The following ITGA4 variants were observed in gnomAD, a reference collection of about 807,000 sequenced individuals.
ITGA4 encodes the protein integrin alpha-4.
A neutral mutation model predicts 133.6 loss-of-function variants in ITGA4; 63 were observed. That is an observed-to-expected ratio of 0.47 (90% CI 0.38 to 0.58). The LOEUF (loss-of-function observed/expected upper bound fraction) is 0.58, where lower values mean the gene tolerates loss of function less well. Among genes scored for constraint, ITGA4 ranks in the 20% least tolerant of loss-of-function variants. The pLI is 0.00. For missense variants in ITGA4, 1,076 were observed against 1,252.7 expected (o/e 0.86, Z 2.13); for synonymous variants, 483 against 438.0 (o/e 1.10, Z -1.28).
At chr2:181,513,229 T>C (rs1457169337) in intron 17 of ITGA4, among the ~76,000 whole-genome samples, 2 of 152,042 alleles carry the variant, frequency 1.3e-5, no homozygotes, top group African/African-American at 4.8e-5. Flanking sequence ...CAATTTCAAC[T>C]GGCATGCCTA....
chr2:181,530,459 G>A, intron 23 of ITGA4, 65 bp from the exon 24 acceptor site: 3 of 1,468,040 alleles, frequency 2.0e-6, no homozygotes, highest in Non-Finnish European at 1.9e-6. Context: ...TTTAAAACCA[G>A]GTTGCTTTTT....
Position 181,457,490 on chromosome 2 carries a change from G to A in ITGA4, c.-165G>A, listed in dbSNP as rs1685149326. The A allele has an allele frequency of 1.6e-6, 1 of 641,860 alleles. No individual in the cohort carries two copies. Among genetic ancestry groups the A allele is most frequent in the Non-Finnish European group, 2.6e-6 (1 of 391,378 alleles). 39.8% of individuals were successfully genotyped at this position (641,860 alleles called of 1,614,324 possible). On this transcript the variant is annotated 5_prime_UTR_variant, in exon 1 of 28. Coordinates refer to ENST00000397033, the MANE Select transcript of ITGA4 (RefSeq NM_000885.6). ...CCGGCCCGAACGCTCCGCCCGCGGT[G>A]GGCCGACTTCCCCTCCTCTTCCCTC... is the stretch of plus-strand genomic sequence containing the variant.
chr2:181,496,952 G>A (rs947922742), intron 14 of ITGA4, among the ~76,000 whole-genome samples: 11 of 152,216 alleles, frequency 7.2e-5, no homozygotes, highest in African/African-American at 2.4e-4. Context: ...GGTACACAAT[G>A]AGCCTGTACC....
At chr2:181,491,723 C>CT (rs1686051614) in intron 10 of ITGA4, among the ~76,000 whole-genome samples, 2 of 152,078 alleles carry the variant, frequency 1.3e-5, no homozygotes, top group South Asian at 4.1e-4. Context: ...CTATAAAATA[C>CT]TTTTCCCCAC....
rs957907060 is a variant in ITGA4, at chr2:181,536,540, ACC to A, written c.*1015_*1016del. ...ATTTCCTTGGATGTAATTCTTTGTT[ACC>A]CTTTACAAGTATAAGTGTTACCTTA... is the stretch of plus-strand genomic sequence containing the variant. On this transcript the variant is annotated 3_prime_UTR_variant, in exon 28 of 28. Transcript: ENST00000397033. The A allele has an allele frequency of 1.9e-5, 3 of 161,650 alleles. No individual in the cohort carries two copies. Among genetic ancestry groups the A allele is most frequent in the African/African-American group, 7.2e-5 (3 of 41,426 alleles). 10.0% of individuals were successfully genotyped at this position (161,650 alleles called of 1,614,324 possible).
Position 181,509,807 on chromosome 2 carries a change from A to G in ITGA4, c.1845A>G (p.Thr615=), listed in dbSNP as rs1143674. 0.59 allele frequency: 938,805 copies of G among 1,595,064 alleles called. 281,152 individuals are homozygous for G. Among genetic ancestry groups the G allele is most frequent in the South Asian group, 0.84 (74,245 of 88,318 alleles). The change falls in exon 16 of 28, where the codon ACA becomes ACG. Residue 615 remains threonine, a splice_region_variant and synonymous_variant. Coordinates refer to ENST00000397033, the MANE Select transcript of ITGA4 (RefSeq NM_000885.6). ...QKKEKDIMKK[T]INFARFCAHE... ...AAGAAAAAGACATAATGAAAAAAACAGTAGGAATATTTTCCTTTATTCAAA... is the reference window on the plus strand; with the variant it reads ...AAGAAAAAGACATAATGAAAAAAACGGTAGGAATATTTTCCTTTATTCAAA...
At chr2:181,490,237 C>CT (rs1686018935) in intron 10 of ITGA4, among the ~76,000 whole-genome samples, 1 of 152,210 alleles carries the variant, frequency 6.6e-6, no homozygotes, top group Non-Finnish European at 1.5e-5. Flanking sequence ...TTAGTTTTTA[C>CT]TTTTTCTTTC....
Position 181,536,053 on chromosome 2 carries a change from T to C in ITGA4, c.*526T>C, listed in dbSNP as rs1687071504. 1 of 152,136 alleles carries C rather than the reference T, an allele frequency of 6.6e-6. No individual in the cohort carries two copies. The highest frequency in any genetic ancestry group is 2.1e-4 in the South Asian group (1 of 4,836). The allele number at this position is 152,136 out of a possible 1,614,324, so 9.4% of individuals were successfully genotyped here. A position where few individuals can be genotyped will look rare whatever the true frequency, so the allele number is the denominator to read the frequency against. ...TCACTTTAAAGCCCTTTATTTATAA[T>C]ACATTTCCTACGGGCTGTGTTCCAA... is the stretch of plus-strand genomic sequence containing the variant. On this transcript the variant is annotated 3_prime_UTR_variant, in exon 28 of 28. Transcript: ENST00000397033.
chr2:181,458,141 G>A (rs1248227468), intron 1 of ITGA4, 55 bp from the exon 2 acceptor site: 1 of 1,609,658 alleles, frequency 6.2e-7, no homozygotes, highest in South Asian at 1.1e-5. Context: ...GCGACAGGGA[G>A]CTCAGTGGGC....
chr2:181,498,743 A>G lies in ITGA4; in HGVS notation c.1661A>G (p.Glu554Gly). 1 of 1,611,822 alleles carries G rather than the reference A, an allele frequency of 6.2e-7. No individual in the cohort carries two copies. Among genetic ancestry groups the G allele is most frequent in the Non-Finnish European group, 8.5e-7 (1 of 1,178,788 alleles). The change falls in exon 15 of 28, where the codon GAA becomes GGA. Residue 554 changes from glutamate (E) to glycine (G), a missense_variant. Around this residue, in one of 4 missense-constraint regions of ITGA4, gnomAD observed 365 missense variants for 421.4 expected, o/e 0.87. Coordinates refer to ENST00000397033, the MANE Select transcript of ITGA4 (RefSeq NM_000885.6). ...GGAAGCATACAGGTGTCCAGCAGAG[A>G]AGCTAACTGTAGAACACATCAAGCA... ...ITGSIQVSSR[E>G]ANCRTHQAFM...
chr2:181,506,718 TA>T, intron 15 of ITGA4, among the ~76,000 whole-genome samples: 1 of 152,092 alleles, frequency 6.6e-6, no homozygotes, highest in Non-Finnish European at 1.5e-5. Context: ...ACAGCAATAA[TA>T]TGTGTGATAG....
rs539507569 is a variant in ITGA4, at chr2:181,511,679, C to T, written c.1846-20C>T. On this transcript the variant is annotated intron_variant, in intron 16 of 27. Transcript: ENST00000397033. The stretch of plus-strand genomic sequence containing the variant: ...TTGCTGATTAAATCAAAATAAAAAA[C>T]GTTGTCTTTTTATTTCCAGATAAAC... 2 of 1,370,686 alleles carry T rather than the reference C, an allele frequency of 1.5e-6. No individual in the cohort carries two copies. Among genetic ancestry groups the T allele is most frequent in the South Asian group, 1.2e-5 (1 of 83,552 alleles). The allele number at this position is 1,370,686 out of a possible 1,614,324, so 84.9% of individuals were successfully genotyped here. A position where few individuals can be genotyped will look rare whatever the true frequency, so the allele number is the denominator to read the frequency against.
rs1218078333 is a variant in ITGA4, at chr2:181,538,437, TTAAC to T, written c.*2912_*2915del. 2.0e-5 allele frequency among the ~76,000 whole-genome samples: 3 copies of T among 152,234 alleles called. 1 individual carries two copies. In the South Asian group the frequency reaches 6.2e-4, roughly 32 times the overall value. On this transcript the variant is annotated 3_prime_UTR_variant, in exon 28 of 28. Coordinates refer to ENST00000397033, the MANE Select transcript of ITGA4 (RefSeq NM_000885.6). ...CAACAATAATTGCTCTAAAACCTCC[TTAAC>T]TGACTTCCTTGATTGTCCAATGCTC...
chr2:181,458,377 A>G (rs1211943401), intron 2 of ITGA4, 60 bp downstream of exon 2: 1 of 1,575,620 alleles, frequency 6.3e-7, no homozygotes, highest in Non-Finnish European at 8.6e-7. Context: ...GGACCCCACC[A>G]TAGGGCAAGT....
intron 17 of ITGA4, among the ~76,000 whole-genome samples, chr2:181,512,903 TAGA>T (rs1686533244): frequency 6.6e-6 from 1 of 152,092 alleles, no homozygotes; most frequent in Non-Finnish European, 1.5e-5. Flanking sequence ...GTTCAATTAT[TAGA>T]AGATGTAAAT....
chr2:181,523,620 A>G lies in ITGA4; in HGVS notation c.2169+88A>G. ...ATCTTTAGGTTGCATAGAAAATATT[A>G]TAAATATTTTAGCTTGGGGTAGGTA... On this transcript the variant is annotated intron_variant, in intron 19 of 27. Transcript: ENST00000397033. This position sits in a 1 kb window ranked among gnomAD's most constrained non-coding sequence, Gnocchi z 4.2. 1 of 716,624 alleles carries G rather than the reference A, an allele frequency of 1.4e-6. No individual in the cohort carries two copies. The allele number at this position is 716,624 out of a possible 1,614,324, so 44.4% of individuals were successfully genotyped here.
chr2:181,494,867 C>T lies in ITGA4; in HGVS notation c.1339+55C>T, dbSNP rs1264042295. ...ATTGGAATAAGCTCTATCATAGATACTGCTTTATAGTGAAGTACGTAAAAC... is the reference window on the plus strand; with the variant it reads ...ATTGGAATAAGCTCTATCATAGATATTGCTTTATAGTGAAGTACGTAAAAC... On this transcript the variant is annotated intron_variant, in intron 12 of 27. Transcript: ENST00000397033. 4.4e-6 allele frequency: 4 copies of T among 910,626 alleles called. No homozygotes were observed. In the African/African-American group the frequency reaches 4.9e-5, roughly 11 times the overall value. The allele number at this position is 910,626 out of a possible 1,614,324, so 56.4% of individuals were successfully genotyped here. A position where few individuals can be genotyped will look rare whatever the true frequency, so the allele number is the denominator to read the frequency against.
chr2:181,458,070 CG>C, intron 1 of ITGA4, 125 bp from the exon 2 acceptor site: 2 of 1,315,364 alleles, frequency 1.5e-6, no homozygotes, highest in Non-Finnish European at 1.1e-6. Context: ...AGCTTCGAGT[CG>C]GGGGTGGTGG....
At chr2:181,467,424 T>A (rs913463556) in intron 2 of ITGA4, among the ~76,000 whole-genome samples, 1 of 152,204 alleles carries the variant, frequency 6.6e-6, no homozygotes, top group Non-Finnish European at 1.5e-5. Context: ...AGCAGGCATT[T>A]ACTTGCATTA....
Sources: allele counts gnomAD v4.1 joint callset (sites outside exome capture counted in the v4.1 genomes callset), GRCh38; gene constraint gnomAD v4.1.1; regional missense constraint gnomAD v4.1.1; non-coding constraint Gnocchi (gnomAD v3.1); transcripts MANE v1.5; gene names NCBI Gene and HGNC (gene_info 2026-07-23, HGNC 2026-07-21).